Variants in LIMCH1 observed in about 807,000 individuals in gnomAD.
The protein encoded by LIMCH1 is LIM and calponin homology domains 1.
A neutral mutation model predicts 176.5 loss-of-function variants in LIMCH1; 113 were observed. That is an observed-to-expected ratio of 0.64 (90% CI 0.55 to 0.75). The LOEUF is 0.75. Ranked by LOEUF, LIMCH1 falls within the 30% of genes least tolerant of loss-of-function variation. LIMCH1 has a pLI of 0.00. For synonymous variants in LIMCH1, 619 were observed against 645.9 expected (o/e 0.96, Z 0.63); for missense variants, 1,674 against 1,814.9 (o/e 0.92, Z 1.41).
At chr4:41,360,383 G>T (rs569510032), upstream of LIMCH1, among the ~76,000 whole-genome samples, 1 of 152,070 alleles carries the variant, frequency 6.6e-6, no homozygotes, top group South Asian at 2.1e-4. The surrounding 1 kb of genome is among the most constrained non-coding windows in gnomAD (Gnocchi z 4.5). Flanking sequence ...CACTGGGCGC[G>T]CGTCTCCCAT....
chr4:41,419,681 CTCCTTCCTTCCTTCCTTCCTTCCTTCCT>C (rs765992303), intron 1 of LIMCH1, among the ~76,000 whole-genome samples: 6 of 56,294 alleles, frequency 1.1e-4, no homozygotes, highest in African/African-American at 4.2e-4. Flanking sequence ...TCCTTCCTTC[CTCCTTCCTTCCTTCCTTCCTTCCTTCCT>C]TCCTTCCTTC....
chr4:41,361,739 A>G (rs567575740), intron 1 of LIMCH1, among the ~76,000 whole-genome samples: 2 of 152,196 alleles, frequency 1.3e-5, no homozygotes, highest in African/African-American at 2.4e-5. Context: ...CACGATGTCT[A>G]TCAGTAGATG....
intron 1 of LIMCH1, among the ~76,000 whole-genome samples, chr4:41,415,173 C>T (rs900608239): frequency 5.3e-5 from 8 of 152,220 alleles, no homozygotes; most frequent in African/African-American, 1.7e-4. Context: ...CCCTTAACAT[C>T]TCGAATTTGT....
chr4:41,400,541 T>C (rs1024596032), intron 1 of LIMCH1, among the ~76,000 whole-genome samples: 3 of 152,162 alleles, frequency 2.0e-5, no homozygotes, highest in Non-Finnish European at 4.4e-5. Context: ...CTCTCTCTCT[T>C]ATTATGTGTA....
At chr4:41,414,544 A>G (rs549954684) in intron 1 of LIMCH1, among the ~76,000 whole-genome samples, 2 of 152,262 alleles carry the variant, frequency 1.3e-5, no homozygotes, top group African/African-American at 4.8e-5. Context: ...GTAAATCCGT[A>G]TGTCAGATAC....
intron 1 of LIMCH1, among the ~76,000 whole-genome samples, chr4:41,411,956 C>CAAA (rs61054692): frequency 3.1e-4 from 12 of 38,554 alleles, no homozygotes; most frequent in Non-Finnish European, 3.9e-4. Flanking sequence ...GACTCCATCT[C>CAAA]AAAAAAAAAA....
In LIMCH1 at chr4:41,661,426, A is replaced by C. The variant is rs751880453; in HGVS notation, c.3043A>C (p.Thr1015Pro). The C allele has an allele frequency of 3.7e-6, 6 of 1,608,668 alleles. No homozygotes were observed. The highest frequency in any genetic ancestry group is 5.1e-6 in the Non-Finnish European group (6 of 1,176,844). ...AAAAAAATCTCTTTTTCAGGCAACC[A>C]CTGAGAAAACGGAACCGAATAGTCA... ...NSVPQELAATTEKTEPNSQED... is the reference protein window; with the variant it reads ...NSVPQELAATPEKTEPNSQED... The change falls in exon 19 of 32, where the codon ACT (threonine) becomes CCT (proline). Residue 1015 changes from threonine to proline, a missense_variant. Thr to Pro is a conservative substitution (Grantham distance 38, BLOSUM62 -1). Coordinates refer to ENST00000503057, the MANE Select transcript of LIMCH1 (RefSeq NM_001330672.2).
intron 1 of LIMCH1, among the ~76,000 whole-genome samples, chr4:41,585,086 T>C (rs2086203194): frequency 6.6e-6 from 1 of 152,198 alleles, no homozygotes; most frequent in Non-Finnish European, 1.5e-5. Context: ...AACACTCCAC[T>C]TCCAAATACC....
chr4:41,563,681 C>CA (rs536185375), intron 1 of LIMCH1, among the ~76,000 whole-genome samples: 183 of 152,224 alleles, frequency 1.2e-3, no homozygotes, highest in Non-Finnish European at 2.4e-3. Context: ...ACCCATCCTG[C>CA]AAAAAATGAA....
At chr4:41,696,455 A>C (rs1380522355) in intron 31 of LIMCH1, among the ~76,000 whole-genome samples, 1 of 152,256 alleles carries the variant, frequency 6.6e-6, no homozygotes, top group Non-Finnish European at 1.5e-5. Flanking sequence ...TATGGAACCC[A>C]AACAATCCTT....
intron 2 of LIMCH1, among the ~76,000 whole-genome samples, chr4:41,516,324 C>T (rs1338442439): frequency 1.6e-4 from 25 of 152,126 alleles, no homozygotes; most frequent in Admixed American, 1.6e-3. Context: ...AGTTTGGGTG[C>T]AGTGGGCCTG....
In LIMCH1 at chr4:41,396,458, T is replaced by C. The variant is rs537064541; in HGVS notation, c.96+35522T>C. Reference sequence around the variant, plus strand: ...CAGAGCCCTTCCCAGCCCAACAAGATGCACTTAACCCTCTGTGGGGATAGA... The same window carrying C: ...CAGAGCCCTTCCCAGCCCAACAAGACGCACTTAACCCTCTGTGGGGATAGA... On this transcript the variant is annotated intron_variant, in intron 1 of 26. Transcript: ENST00000313860. 4.6e-5 allele frequency among the ~76,000 whole-genome samples: 7 copies of C among 152,352 alleles called. No homozygotes were observed. In the South Asian group the frequency reaches 1.4e-3, roughly 32 times the overall value.
intron 21 of LIMCH1, 73 bp from the exon 22 acceptor site, chr4:41,671,481 T>C (rs1468298802): frequency 8.0e-6 from 10 of 1,248,836 alleles, no homozygotes; most frequent in African/African-American, 7.5e-5. Flanking sequence ...ACTCCACTGA[T>C]AGGTCAAAAA....
At chr4:41,592,196 TG>T (rs1156802819) in intron 1 of LIMCH1, among the ~76,000 whole-genome samples, 1 of 152,240 alleles carries the variant, frequency 6.6e-6, no homozygotes, top group Admixed American at 6.5e-5. Context: ...GTTTTCCCAC[TG>T]AAGTGTTCTG....
intron 9 of LIMCH1, among the ~76,000 whole-genome samples, chr4:41,630,297 A>G (rs28699432): frequency 0.097 from 14,677 of 152,078 alleles, 1,198 homozygotes; most frequent in African/African-American, 0.22. Flanking sequence ...ATGGCTTGAA[A>G]AAGTGCGTCT....
chr4:41,597,186 T>G (rs914981756), intron 1 of LIMCH1, among the ~76,000 whole-genome samples: 6 of 152,140 alleles, frequency 3.9e-5, no homozygotes, highest in Admixed American at 3.3e-4. Flanking sequence ...TGGCCTCAGA[T>G]TTTATGCTTC....
At chr4:41,388,157 A>G (rs1183750368) in intron 1 of LIMCH1, among the ~76,000 whole-genome samples, 1 of 152,190 alleles carries the variant, frequency 6.6e-6, no homozygotes, top group African/African-American at 2.4e-5. Flanking sequence ...TTAGGTAGCT[A>G]CCTTAGAGAA....
rs1317442608 is a variant in LIMCH1 at position 41,504,444 on chromosome 4, C to G, written c.167+9838C>G. ...TGCTATTGATGTCATCAGAACAATT[C>G]CTTTTTGCATCTGAGCAGTTCCACT... On this transcript the variant is annotated intron_variant, in intron 2 of 26. Coordinates refer to the LIMCH1 transcript ENST00000313860. Among the ~76,000 whole-genome samples, 4 of 152,230 alleles carry G rather than the reference C, an allele frequency of 2.6e-5. No individual in the cohort carries two copies. The South Asian group carries it at 8.3e-4, about 32-fold the overall frequency.
chr4:41,649,814 C>A (rs2094214261), intron 17 of LIMCH1, among the ~76,000 whole-genome samples: 1 of 152,126 alleles, frequency 6.6e-6, no homozygotes, highest in African/African-American at 2.4e-5. Flanking sequence ...TGTGCATGGT[C>A]TTTTTTTCTT....
Sources: gnomAD v4.1 joint callset for allele counts (sites outside exome capture counted in the v4.1 genomes callset) on GRCh38, gnomAD v4.1.1 for gene constraint, Gnocchi (gnomAD v3.1) non-coding constraint, MANE v1.5 for transcripts, NCBI Gene and HGNC (gene_info 2026-07-23, HGNC 2026-07-21) for gene names.